Variants in OSBP2 observed in about 807,000 individuals in gnomAD.
OSBP2 encodes the protein oxysterol-binding protein 2.
A neutral mutation model predicts 96.0 loss-of-function variants in OSBP2; 66 were observed. The observed-to-expected ratio is 0.69, with a 90% confidence interval of 0.56 to 0.84. The LOEUF (loss-of-function observed/expected upper bound fraction) is 0.84. Among genes scored for constraint, OSBP2 ranks in the 40% least tolerant of loss-of-function variants. The probability of loss-of-function intolerance (pLI) is 0.00; values close to 1 mark genes in which losing one functional copy is unlikely to be tolerated. For synonymous variants in OSBP2, 525 were observed against 520.9 expected (o/e 1.01, Z -0.11); for missense variants, 1,038 against 1,222.7 (o/e 0.85, Z 2.25).
intron 3 of OSBP2, among the ~76,000 whole-genome samples, chr22:30,873,839 C>T (rs769977912): frequency 1.4e-4 from 21 of 152,206 alleles, no homozygotes; most frequent in South Asian, 8.3e-4. Context: ...TCCTTCACAG[C>T]GCGCTGGGGC....
intron 2 of OSBP2, among the ~76,000 whole-genome samples, chr22:30,796,123 T>C (rs985594259): frequency 6.6e-6 from 1 of 152,198 alleles, no homozygotes; most frequent in Non-Finnish European, 1.5e-5. Flanking sequence ...CTAACTGCCA[T>C]GGGCTTCATG....
At chr22:30,701,557 A>T (rs1312175277) in intron 1 of OSBP2, among the ~76,000 whole-genome samples, 1 of 151,808 alleles carries the variant, frequency 6.6e-6, no homozygotes, top group African/African-American at 2.4e-5. Flanking sequence ...GTTAGCCAGG[A>T]TGGTCTCGAT....
chr22:30,740,261 G>A (rs919823997), intron 1 of OSBP2, among the ~76,000 whole-genome samples: 1 of 152,196 alleles, frequency 6.6e-6, no homozygotes, highest in African/African-American at 2.4e-5. Context: ...CTTGTGCTGA[G>A]TCAGTTCCTA....
In OSBP2 at chr22:30,729,499, A is replaced by G. The variant is rs936422417; in HGVS notation, c.645-11662A>G. On this transcript the variant is annotated intron_variant, in intron 1 of 13. Coordinates refer to ENST00000332585, the MANE Select transcript of OSBP2 (RefSeq NM_030758.4). ...CTAAAAATACAAACATTAGCTGGGC[A>G]TATTGGTGGGTGCCTATAATCCCAG... 2.9e-4 allele frequency among the ~76,000 whole-genome samples: 44 copies of G among 151,868 alleles called. 1 individual carries two copies. The highest frequency in any genetic ancestry group is 1.1e-3 in the African/African-American group (44 of 41,336).
chr22:30,788,787 A>T (rs941630621), intron 2 of OSBP2, among the ~76,000 whole-genome samples: 10 of 152,066 alleles, frequency 6.6e-5, no homozygotes, highest in African/African-American at 2.4e-4. Flanking sequence ...ATCTCAGCTC[A>T]CTGCAACCTC....
At chr22:30,884,934 T>G (rs1007505434) in intron 3 of OSBP2, among the ~76,000 whole-genome samples, 2 of 152,176 alleles carry the variant, frequency 1.3e-5, no homozygotes, top group African/African-American at 4.8e-5. Flanking sequence ...CGGTTCTGAC[T>G]GAGGGGCAGG....
chr22:30,889,409 A>C, intron 6 of OSBP2, 81 bp from the exon 7 acceptor site: 1 of 1,547,724 alleles, frequency 6.5e-7, no homozygotes, highest in South Asian at 1.1e-5. Flanking sequence ...GCCAGTCCTC[A>C]GGGTGGAGGG....
chr22:30,709,813 G>T (rs1415893297), intron 1 of OSBP2, among the ~76,000 whole-genome samples: 1 of 151,932 alleles, frequency 6.6e-6, no homozygotes, highest in Non-Finnish European at 1.5e-5. Context: ...TGGTATTACA[G>T]ATGTAAGGCC....
intron 1 of OSBP2, among the ~76,000 whole-genome samples, chr22:30,738,323 C>T (rs2089885946): frequency 2.0e-5 from 3 of 152,102 alleles, no homozygotes; most frequent in African/African-American, 7.2e-5. Flanking sequence ...TGAGTCACTA[C>T]ACTTACACCT....
At chr22:30,905,568 T>C (rs561199518) in intron 12 of OSBP2, among the ~76,000 whole-genome samples, 1 of 152,190 alleles carries the variant, frequency 6.6e-6, no homozygotes, top group South Asian at 2.1e-4. Context: ...AGCTAGGCAA[T>C]TCCCAGATAA....
At chr22:30,896,017 T>A (rs772299090) in intron 12 of OSBP2, among the ~76,000 whole-genome samples, 10 of 151,752 alleles carry the variant, frequency 6.6e-5, no homozygotes, top group Non-Finnish European at 1.3e-4. Context: ...TTTTGTTTGT[T>A]TTTTTGTTGT....
upstream of OSBP2, chr22:30,694,177 G>C (rs114356320): frequency 1.7e-3 from 2,612 of 1,550,272 alleles, 45 homozygotes; most frequent in African/African-American, 0.028. Context: ...AAAACGCTTG[G>C]TTTACAAAAA....
chr22:30,847,030 T>TACAGTAGCACACAC (rs1442585550), intron 2 of OSBP2, among the ~76,000 whole-genome samples: 1 of 152,108 alleles, frequency 6.6e-6, no homozygotes, highest in African/African-American at 2.4e-5. Flanking sequence ...CTGGCTGGAG[T>TACAGTAGCACACAC]ACAGTAGCAC....
rs372628403 is a variant in OSBP2, at chr22:30,752,092, G to T, written c.853+10723G>T. Among the ~76,000 whole-genome samples, 20 of 152,240 alleles carry T rather than the reference G, an allele frequency of 1.3e-4. No homozygotes were observed. The East Asian group carries it at 1.4e-3, about 10-fold the overall frequency. ...GGCCTTCCCTGGAGCCCAGGACCAGGTGTTGGAGCAGAGTGCTGTTCAGCG... is the reference window on the plus strand; with the variant it reads ...GGCCTTCCCTGGAGCCCAGGACCAGTTGTTGGAGCAGAGTGCTGTTCAGCG... On this transcript the variant is annotated intron_variant, in intron 2 of 13. Coordinates refer to ENST00000332585, the MANE Select transcript of OSBP2 (RefSeq NM_030758.4).
intron 2 of OSBP2, among the ~76,000 whole-genome samples, chr22:30,829,822 A>C (rs1332664323): frequency 6.6e-6 from 1 of 152,208 alleles, no homozygotes; most frequent in African/African-American, 2.4e-5. Flanking sequence ...AATTATTAGT[A>C]ATAATATTTG....
At chr22:30,849,377 A>G (rs2038934076) in intron 2 of OSBP2, among the ~76,000 whole-genome samples, 1 of 152,198 alleles carries the variant, frequency 6.6e-6, no homozygotes, top group Non-Finnish European at 1.5e-5. Context: ...AAGGTATGAG[A>G]ATTCAGTTGT....
chr22:30,901,309 T>C (rs1171031038), intron 12 of OSBP2, among the ~76,000 whole-genome samples: 1 of 152,128 alleles, frequency 6.6e-6, no homozygotes, highest in East Asian at 1.9e-4. Context: ...CCTCAGGTGA[T>C]CTGCCTGCCT....
intron 2 of OSBP2, among the ~76,000 whole-genome samples, chr22:30,856,423 G>A (rs2039080982): frequency 8.0e-6 from 1 of 124,234 alleles, no homozygotes; most frequent in African/African-American, 2.9e-5. Flanking sequence ...GTCTTGCTCT[G>A]TAGCCCAGGT....
chr22:30,825,021 G>A (rs528771055), intron 2 of OSBP2, among the ~76,000 whole-genome samples: 16 of 152,290 alleles, frequency 1.1e-4, no homozygotes, highest in African/African-American at 3.1e-4. Context: ...AAGGGGAAGC[G>A]TGGATTGAAA....
Sources: gnomAD v4.1 joint callset for allele counts (sites outside exome capture counted in the v4.1 genomes callset) on GRCh38, gnomAD v4.1.1 for gene constraint, MANE v1.5 for transcripts, NCBI Gene and HGNC (gene_info 2026-07-23, HGNC 2026-07-21) for gene names.